Variants in SPATA9 observed in about 807,000 individuals in gnomAD.
SPATA9 encodes the protein spermatogenesis associated 9.
SPATA9 carries 27 observed loss-of-function variants against 25.5 expected under a neutral mutation model. That is an observed-to-expected ratio of 1.06 (90% CI 0.78 to 1.46). The LOEUF (loss-of-function observed/expected upper bound fraction) is 1.46, where lower values mean the gene tolerates loss of function less well. SPATA9 is among the 40% of genes most tolerant of loss of function. The pLI is 0.00. For synonymous variants in SPATA9, 102 were observed against 105.7 expected (o/e 0.97, Z 0.21); for missense variants, 282 against 297.5 (o/e 0.95, Z 0.38).
intron 2 of SPATA9, 143 bp from the exon 3 acceptor site, chr5:95,675,782 C>A (rs1053542850): frequency 1.3e-5 from 8 of 623,778 alleles, no homozygotes; most frequent in Non-Finnish European, 2.2e-5. Flanking sequence ...TCTGTCCCCC[C>A]ATGAAACCCC....
chr5:95,688,074 C>G lies in SPATA9; in HGVS notation n.124+10514G>C, dbSNP rs555531410. ...GGCAATCCCACTACCATGTGTCCACCCAAAGAAAAAGAAATTATTATATCA... is the reference window on the plus strand; with the variant it reads ...GGCAATCCCACTACCATGTGTCCACGCAAAGAAAAAGAAATTATTATATCA... On this transcript the variant is annotated intron_variant and non_coding_transcript_variant, in intron 1 of 2. Coordinates refer to the SPATA9 transcript ENST00000379990. Among the ~76,000 whole-genome samples, 163 of 152,138 alleles carry G rather than the reference C, an allele frequency of 1.1e-3. 1 individual carries two copies. The highest frequency in any genetic ancestry group is 3.7e-3 in the African/African-American group (153 of 41,508).
intron 2 of SPATA9, among the ~76,000 whole-genome samples, chr5:95,677,477 G>C (rs1753048560): frequency 6.6e-6 from 1 of 152,106 alleles, no homozygotes; most frequent in Admixed American, 6.6e-5. Flanking sequence ...TTCTCCACAA[G>C]AAACAACTCA....
chr5:95,731,727 G>A, the SPATA9 span: 45 of 1,612,634 alleles, frequency 2.8e-5, no homozygotes, highest in South Asian at 4.0e-4. Flanking sequence ...TCTCCAGCGC[G>A]TGCCGTGCGC....
the SPATA9 span, chr5:95,731,305 T>C: frequency 9.6e-7 from 1 of 1,044,336 alleles, no homozygotes; most frequent in East Asian, 8.0e-5. Context: ...CCCCCTTCTC[T>C]GCTTAGAGGA....
In SPATA9 at chr5:95,669,284, T is replaced by C. The variant is rs188201585; in HGVS notation, c.379-5236A>G. Among the ~76,000 whole-genome samples, 81 of 152,306 alleles carry C rather than the reference T, an allele frequency of 5.3e-4. 1 individual carries two copies. Among genetic ancestry groups the C allele is most frequent in the African/African-American group, 1.9e-3 (78 of 41,570 alleles). ...GCCCAGGAGTTCTATCTAGGAAATA[T>C]CCTCTTTCCCCGGGTCTAGATTATA... On this transcript the variant is annotated intron_variant, in intron 3 of 4. Coordinates refer to ENST00000274432, the MANE Select transcript of SPATA9 (RefSeq NM_031952.4).
the SPATA9 span, among the ~76,000 whole-genome samples, chr5:95,716,270 A>G: frequency 6.6e-6 from 1 of 152,334 alleles, no homozygotes; most frequent in Non-Finnish European, 1.5e-5. Flanking sequence ...AGCCCATGAA[A>G]GCAGCCAGGA....
At chr5:95,718,411 A>T in the SPATA9 span, among the ~76,000 whole-genome samples, 1 of 152,238 alleles carries the variant, frequency 6.6e-6, no homozygotes, top group Non-Finnish European at 1.5e-5. Context: ...AGGAAAAAGT[A>T]AAGAACGGAT....
chr5:95,684,087 C>G (rs1753656467), upstream of SPATA9, among the ~76,000 whole-genome samples: 1 of 152,028 alleles, frequency 6.6e-6, no homozygotes, highest in Admixed American at 6.6e-5. Context: ...CTTAGAACAC[C>G]CTCCGCCATA....
chr5:95,705,076 C>T, the SPATA9 span, among the ~76,000 whole-genome samples: 123 of 152,084 alleles, frequency 8.1e-4, 1 homozygote, highest in Non-Finnish European at 1.1e-3. Context: ...TCCCAAGCAG[C>T]TGGAACTACA....
chr5:95,668,644 T>A (rs1752054264), intron 3 of SPATA9, among the ~76,000 whole-genome samples: 1 of 152,250 alleles, frequency 6.6e-6, no homozygotes, highest in Admixed American at 6.5e-5. Context: ...TTGGTATCAA[T>A]GTTATGTTCA....
At chr5:95,686,640 G>A (rs942756980), upstream of SPATA9, among the ~76,000 whole-genome samples, 2 of 152,188 alleles carry the variant, frequency 1.3e-5, no homozygotes, top group African/African-American at 4.8e-5. Context: ...AGGTCCTGAT[G>A]TTGGAGAACT....
chr5:95,666,378 T>C (rs899143988), intron 3 of SPATA9, among the ~76,000 whole-genome samples: 1 of 152,224 alleles, frequency 6.6e-6, no homozygotes, highest in African/African-American at 2.4e-5. Context: ...TCTTGAGTAA[T>C]GAAATCTTGG....
At chr5:95,695,446 A>T (rs1580358320) in intron 1 of SPATA9, among the ~76,000 whole-genome samples, 1 of 28,704 alleles carries the variant, frequency 3.5e-5, no homozygotes, top group African/African-American at 1.4e-4. Context: ...ACAAATACAA[A>T]AGTTAGCTGG....
chr5:95,684,258 T>C (rs1032215978), upstream of SPATA9, among the ~76,000 whole-genome samples: 3 of 152,174 alleles, frequency 2.0e-5, no homozygotes, highest in African/African-American at 7.2e-5. Flanking sequence ...TATGAGATAA[T>C]GAAATACTTT....
chr5:95,673,655 G>A (rs553510561), intron 3 of SPATA9, among the ~76,000 whole-genome samples: 1 of 152,212 alleles, frequency 6.6e-6, no homozygotes, highest in South Asian at 2.1e-4. Flanking sequence ...CAAAACATTA[G>A]GTTTAGAAAG....
At chr5:95,719,928 T>G in the SPATA9 span, among the ~76,000 whole-genome samples, 1 of 152,208 alleles carries the variant, frequency 6.6e-6, no homozygotes, top group Admixed American at 6.5e-5. Context: ...GGGATCAAAA[T>G]GACCTGTACT....
At chr5:95,669,702 G>A (rs1046339806) in intron 3 of SPATA9, among the ~76,000 whole-genome samples, 1 of 152,138 alleles carries the variant, frequency 6.6e-6, no homozygotes, top group Non-Finnish European at 1.5e-5. Flanking sequence ...GACGTGTCTT[G>A]GCTGAAGTCA....
At chr5:95,703,553 T>C (rs1001558505), upstream of SPATA9, among the ~76,000 whole-genome samples, 4 of 151,898 alleles carry the variant, frequency 2.6e-5, no homozygotes, top group Non-Finnish European at 5.9e-5. Context: ...AAAATTGCTT[T>C]AACCTGGGAG....
chr5:95,654,049 A>G (rs371559749), downstream of SPATA9: 14 of 1,602,434 alleles, frequency 8.7e-6, no homozygotes, highest in Non-Finnish European at 1.2e-5. Flanking sequence ...TTCCTTCTTT[A>G]TGTTCAACTA....
Sources: allele counts gnomAD v4.1 joint callset (sites outside exome capture counted in the v4.1 genomes callset), GRCh38; gene constraint gnomAD v4.1.1; transcripts MANE v1.5; gene names NCBI Gene and HGNC (gene_info 2026-07-23, HGNC 2026-07-21).